ALK: variants seen among roughly 807,000 people sequenced by gnomAD.
ALK encodes the protein ALK receptor tyrosine kinase.
Under a neutral mutation model 163.1 loss-of-function variants are expected in ALK, and 74 were observed. The ratio of observed to expected loss-of-function variants is 0.45; its 90% CI spans 0.38 to 0.55. The LOEUF is 0.55. ALK is among the 20% of genes least tolerant of loss of function. The pLI, the probability that ALK is intolerant of heterozygous loss-of-function variation, is 0.00. For missense variants in ALK, 2,063 were observed against 2,105.3 expected, an observed-to-expected ratio of 0.98 and a Z score of 0.39; for synonymous variants, 960 against 843.2, an observed-to-expected ratio of 1.14 and a Z score of -2.40.
chr2:29,257,919 A>G (rs1664989951), intron 11 of ALK, among the ~76,000 whole-genome samples: 1 of 152,078 alleles, frequency 6.6e-6, no homozygotes, highest in Non-Finnish European at 1.5e-5. Flanking sequence ...GCTCACTGCA[A>G]CCTCCATCTC....
At chr2:29,780,970 T>C (rs548591441) in intron 1 of ALK, among the ~76,000 whole-genome samples, 2 of 152,288 alleles carry the variant, frequency 1.3e-5, no homozygotes, top group South Asian at 4.2e-4. Context: ...TCAAACATCA[T>C]CCTCAGAAAA....
chr2:29,536,576 C>G lies in ALK; in HGVS notation c.953-4460G>C, dbSNP rs182288681. Among the ~76,000 whole-genome samples the G allele has an allele frequency of 2.6e-4, 40 of 152,256 alleles. 1 individual carries two copies. In the East Asian group the frequency reaches 7.5e-3, roughly 29 times the overall value. ...ACAGTGACACAAGCATGGACTAATA[C>G]AGAAAATTGGCACCAATGAGTGGTG... On this transcript the variant is annotated intron_variant, in intron 3 of 28. Coordinates refer to ENST00000389048, the MANE Select transcript of ALK (RefSeq NM_004304.5).
chr2:29,920,631 A>T lies in ALK; in HGVS notation c.29T>A (p.Leu10Gln). Reference protein sequence around the residue: MGAIGLLWLLPLLLSTAAVG... With the variant: MGAIGLLWLQPLLLSTAAVG... ...AGCTGCCGTGGAAAGCAGCAGCGGC[A>T]GGAGCCACAGGAGCCCGATGGCTCC... The change falls in exon 1 of 29, where the codon CTG (leucine) becomes CAG (glutamine). Residue 10 changes from leucine (L) to glutamine (Q), a missense_variant. By Grantham distance (113) the Leu-to-Gln change is moderately radical. Around this residue, in one of 5 missense-constraint regions of ALK, gnomAD observed 987 missense variants for 939.5 expected, o/e 1.05. Coordinates refer to ENST00000389048, the MANE Select transcript of ALK (RefSeq NM_004304.5). 1 of 1,540,336 alleles carries T rather than the reference A, an allele frequency of 6.5e-7. No homozygotes were observed. Among genetic ancestry groups the T allele is most frequent in the Non-Finnish European group, 8.7e-7 (1 of 1,150,190 alleles).
chr2:29,511,447 T>G (rs1338951328), intron 4 of ALK, among the ~76,000 whole-genome samples: 1 of 152,226 alleles, frequency 6.6e-6, no homozygotes, highest in East Asian at 1.9e-4. Context: ...TTGAGATTCA[T>G]CCATGTTATC....
chr2:29,232,172 C>T (rs369245417), intron 15 of ALK, 132 bp downstream of exon 15: 43 of 1,279,928 alleles, frequency 3.4e-5, no homozygotes, highest in Middle Eastern at 2.6e-4. Flanking sequence ...CCCTGGATAT[C>T]GGTACCAATA....
In ALK at chr2:29,223,466, T is replaced by C. The variant is rs757392337; in HGVS notation, c.3235A>G (p.Lys1079Glu). The C allele has an allele frequency of 6.2e-7, 1 of 1,614,174 alleles. No individual in the cohort carries two copies. The highest frequency in any genetic ancestry group is 8.5e-7 in the Non-Finnish European group (1 of 1,180,028). The stretch of plus-strand genomic sequence containing the variant: ...GTCGAGGTGCGGAGCTTGCTCAGCT[T>C]GTACTCAGGGCTCTGCAGCTCCATC... Reference protein sequence around the residue: ...MQMELQSPEYKLSKLRTSTIM... With the variant: ...MQMELQSPEYELSKLRTSTIM... The change falls in exon 20 of 29, where the codon AAG becomes GAG. Residue 1079 changes from lysine (K) to glutamate (E), a missense_variant. By Grantham distance (56) the Lys-to-Glu change is moderately conservative. Around this residue, in one of 5 missense-constraint regions of ALK, gnomAD observed 575 missense variants for 626.6 expected, o/e 0.92. Coordinates refer to ENST00000389048, the MANE Select transcript of ALK (RefSeq NM_004304.5).
At chr2:29,262,489 A>G (rs1180034719) in intron 11 of ALK, among the ~76,000 whole-genome samples, 1 of 152,214 alleles carries the variant, frequency 6.6e-6, no homozygotes, top group African/African-American at 2.4e-5. Context: ...GTGTATGATG[A>G]GAAGTTAGGG....
At chr2:29,479,269 C>T (rs1573388565) in intron 4 of ALK, among the ~76,000 whole-genome samples, 1 of 152,204 alleles carries the variant, frequency 6.6e-6, no homozygotes, top group Non-Finnish European at 1.5e-5. Context: ...GGGATGGCAG[C>T]AGGAGATAGT....
intron 4 of ALK, among the ~76,000 whole-genome samples, chr2:29,405,050 T>C (rs1455567763): frequency 6.6e-6 from 1 of 152,224 alleles, no homozygotes; most frequent in East Asian, 1.9e-4. Context: ...AAAGAATAGA[T>C]AATGCTACAG....
intron 4 of ALK, among the ~76,000 whole-genome samples, chr2:29,452,033 G>C (rs903225040): frequency 6.6e-6 from 1 of 152,296 alleles, no homozygotes; most frequent in African/African-American, 2.4e-5. Context: ...ATAAGTAGCT[G>C]ACATGGCTAG....
intron 4 of ALK, among the ~76,000 whole-genome samples, chr2:29,461,636 A>C (rs1671086400): frequency 6.6e-6 from 1 of 152,162 alleles, no homozygotes; most frequent in Admixed American, 6.5e-5. Flanking sequence ...TATTGCTCAG[A>C]GAAAAAGATT....
chr2:29,658,692 T>A (rs936721489), intron 3 of ALK, among the ~76,000 whole-genome samples: 1 of 152,204 alleles, frequency 6.6e-6, no homozygotes, highest in Admixed American at 6.5e-5. Flanking sequence ...GCCATTTTAT[T>A]TAGCATACAT....
chr2:29,643,576 G>A (rs1676782960), intron 3 of ALK, among the ~76,000 whole-genome samples: 1 of 152,180 alleles, frequency 6.6e-6, no homozygotes, highest in African/African-American at 2.4e-5. Context: ...AAAAGGCTTG[G>A]TGGAGGGCAA....
chr2:29,550,893 C>CATTGT (rs1673698666), intron 3 of ALK, among the ~76,000 whole-genome samples: 1 of 152,110 alleles, frequency 6.6e-6, no homozygotes, highest in African/African-American at 2.4e-5. Flanking sequence ...TTTCACTTAA[C>CATTGT]ATTGTCGTAA....
At chr2:29,490,457 A>G (rs1223353944) in intron 4 of ALK, among the ~76,000 whole-genome samples, 2 of 152,220 alleles carry the variant, frequency 1.3e-5, no homozygotes, top group Admixed American at 1.3e-4. Context: ...GATCAGCGGC[A>G]TCAGCATCAT....
chr2:29,489,998 G>C (rs146554282), intron 4 of ALK, among the ~76,000 whole-genome samples: 178 of 152,364 alleles, frequency 1.2e-3, no homozygotes, highest in African/African-American at 4.0e-3. Context: ...CTGGAACATG[G>C]GGACAGGCTC....
chr2:29,621,597 A>G (rs987229916), intron 3 of ALK, among the ~76,000 whole-genome samples: 3 of 152,256 alleles, frequency 2.0e-5, no homozygotes, highest in Non-Finnish European at 2.9e-5. Context: ...CTGGGATTGC[A>G]CAAAGACGTC....
chr2:29,228,871 G>T lies in ALK; in HGVS notation c.2815+13C>A. ...AGGGAGGGAGTGACACCTTGAACACGAATCATCTTTACCTATATATCCTCC... is the reference window on the plus strand; with the variant it reads ...AGGGAGGGAGTGACACCTTGAACACTAATCATCTTTACCTATATATCCTCC... On this transcript the variant is annotated intron_variant, in intron 16 of 28. Transcript: ENST00000389048. 6.4e-7 allele frequency: 1 copy of T among 1,559,326 alleles called. No individual in the cohort carries two copies. The highest frequency in any genetic ancestry group is 2.2e-5 in the East Asian group (1 of 44,548).
intron 3 of ALK, among the ~76,000 whole-genome samples, chr2:29,662,101 G>A (rs901483036): frequency 6.6e-5 from 10 of 152,008 alleles, no homozygotes; most frequent in African/African-American, 2.4e-4. Context: ...TAGCAGGGAC[G>A]GGGTTTCACA....
Sources: gnomAD v4.1 joint callset for allele counts (sites outside exome capture counted in the v4.1 genomes callset) on GRCh38, gnomAD v4.1.1 for gene constraint, gnomAD v4.1.1 regional missense constraint, MANE v1.5 for transcripts, NCBI Gene and HGNC (gene_info 2026-07-23, HGNC 2026-07-21) for gene names.